HDAC7: variants seen among roughly 807,000 people sequenced by gnomAD.
The protein encoded by HDAC7 is histone deacetylase 7, also known as histone deacetylase 7A.
In HDAC7, 26 loss-of-function variants were observed where a neutral mutation model predicts 115.5. The observed-to-expected ratio is 0.23, with a 90% CI of 0.16 to 0.31. HDAC7 has a LOEUF of 0.31. Among genes scored for constraint, HDAC7 ranks in the 10% least tolerant of loss-of-function variants. The pLI is 1.00. For missense variants in HDAC7, 1,068 were observed against 1,329.0 expected (o/e 0.80, Z 3.05); for synonymous variants, 564 against 550.9 (o/e 1.02, Z -0.33).
Position 47,797,442 on chromosome 12 carries a change from C to T in HDAC7, c.519G>A (p.Leu173=), listed in dbSNP as rs1565566280. 1 of 1,613,904 alleles carries T rather than the reference C, an allele frequency of 6.2e-7. No individual in the cohort carries two copies. Among genetic ancestry groups the T allele is most frequent in the African/African-American group, 1.3e-5 (1 of 75,010 alleles). Residue 173 remains leucine (L), a synonymous_variant, in exon 6 of 26, where the codon TTG becomes TTA. Transcript: ENST00000080059. The surrounding 1 kb of genome is among the most constrained non-coding windows in gnomAD (Gnocchi z 5.5). The stretch of plus-strand genomic sequence containing the variant: ...CACTGGGCAGGCTGGGAACAGGAGG[C>T]AAAAAGCTGCTGAGCATGGAGCGGG... ...GATRSMLSSF[L]PPVPSLPSDP... is the part of the protein sequence containing the mutation.
chr12:47,795,591 C>T lies in HDAC7; in HGVS notation c.1083G>A (p.Leu361=), dbSNP rs752006018. 1 of 1,559,550 alleles carries T rather than the reference C, an allele frequency of 6.4e-7. No individual in the cohort carries two copies. Among genetic ancestry groups the T allele is most frequent in the Non-Finnish European group, 8.7e-7 (1 of 1,152,032 alleles). ...CTGAAGAAGCAGCAGACTCACCAGT[C>T]AGCAGCGGGGCATGAGAGCCTGAGG... ...LDPSGSHAPL[L]TVPGLGPLPF... is the part of the protein sequence containing the mutation. The change falls in exon 10 of 26, where the codon CTG becomes CTA. Residue 361 remains leucine (L), a synonymous_variant. Transcript: ENST00000080059. The surrounding 1 kb of genome is among the most constrained non-coding windows in gnomAD (Gnocchi z 4.3).
intron 2 of HDAC7, 111 bp from the exon 3 acceptor site, chr12:47,799,083 C>G (rs904833267): frequency 2.9e-6 from 2 of 700,114 alleles, no homozygotes; most frequent in African/African-American, 3.7e-5. Context: ...TGGCAAAACA[C>G]TCTCATGGGG....
chr12:47,819,024 C>G (rs1411454703), intron 1 of HDAC7: 1 of 152,448 alleles, frequency 6.6e-6, no homozygotes, highest in East Asian at 1.9e-4. Context: ...CAACAGACCC[C>G]AGGCCTGGGG....
At chr12:47,820,084 G>T (rs987884355), upstream of HDAC7, 13 of 151,364 alleles carry the variant, frequency 8.6e-5, no homozygotes, top group African/African-American at 3.1e-4. This position sits in a 1 kb window ranked among gnomAD's most constrained non-coding sequence, Gnocchi z 4.3. Context: ...GCACAGGCGG[G>T]CCGCAGACAC....
Position 47,793,567 on chromosome 12 carries a change from G to A in HDAC7, c.1480C>T (p.Arg494Ter). Residue 494 changes from arginine (R) to a stop codon, truncating the protein, a stop_gained, in exon 13 of 26, where the codon CGA (arginine) becomes TGA (stop). Transcript: ENST00000080059. LOFTEE classifies it high-confidence loss of function. The surrounding 1 kb of genome is among the most constrained non-coding windows in gnomAD (Gnocchi z 4.5). ...HPQVLLWEQQ[R>*]LAGRLPRGST... ...CCCCGGGGGAGCCGCCCAGCCAGTCGCTGCTGTTCCCAGAGCAACACCTAG... is the reference window on the plus strand; with the variant it reads ...CCCCGGGGGAGCCGCCCAGCCAGTCACTGCTGTTCCCAGAGCAACACCTAG... 2 of 1,544,228 alleles carry A rather than the reference G, an allele frequency of 1.3e-6. No homozygotes were observed. Among genetic ancestry groups the A allele is most frequent in the Non-Finnish European group, 1.7e-6 (2 of 1,144,576 alleles).
At chr12:47,806,710 C>T (rs1172510179) in intron 1 of HDAC7, among the ~76,000 whole-genome samples, 1 of 151,928 alleles carries the variant, frequency 6.6e-6, no homozygotes, top group African/African-American at 2.4e-5. Context: ...CAAAAACAAA[C>T]AAAAAGAATA....
rs747677162 is a variant in HDAC7 at position 47,788,057 on chromosome 12, C to T, written c.2343G>A (p.Gly781=). 6.8e-6 allele frequency: 11 copies of T among 1,611,608 alleles called. No homozygotes were observed. The Admixed American group carries it at 1.7e-4, about 25-fold the overall frequency. Residue 781 remains glycine (G), a synonymous_variant, in exon 20 of 26, where the codon GGG becomes GGA. Transcript: ENST00000080059. The part of the protein sequence containing the change: ...HDDGNFFPGS[G]AVDEVGAGSG... ...GACATGCGGTTACCTCATCCACAGC[C>T]CCACTCCCCGGGAAGAAGTTGCCGT... is the stretch of plus-strand genomic sequence containing the variant.
rs1942929562 is a variant in HDAC7, at chr12:47,782,767, T to G, written c.*1074A>C. ...TTATTGTTCAGATTTTTTTCCATTTTCTTCCTTTTTACAAAAACATGCATA... is the reference window on the plus strand; with the variant it reads ...TTATTGTTCAGATTTTTTTCCATTTGCTTCCTTTTTACAAAAACATGCATA... On this transcript the variant is annotated 3_prime_UTR_variant, in exon 26 of 26. Coordinates refer to ENST00000080059, the MANE Select transcript of HDAC7 (RefSeq NM_015401.5). 6.6e-6 allele frequency: 1 copy of G among 152,608 alleles called. No homozygotes were observed. The highest frequency in any genetic ancestry group is 2.4e-5 in the African/African-American group (1 of 41,426). 9.5% of individuals were successfully genotyped at this position (152,608 alleles called of 1,614,324 possible). A position where few individuals can be genotyped will look rare whatever the true frequency, so the allele number is the denominator to read the frequency against.
Position 47,796,997 on chromosome 12 carries a change from C to G in HDAC7, c.703+20G>C. ...GCCAGGTTTGAGGATGGCAACCGCA[C>G]TGGCTCAGCCGGCCCTCACCTCCGA... On this transcript the variant is annotated intron_variant, in intron 7 of 25. Coordinates refer to ENST00000080059, the MANE Select transcript of HDAC7 (RefSeq NM_015401.5). 1 of 1,524,868 alleles carries G rather than the reference C, an allele frequency of 6.6e-7. No homozygotes were observed. Among genetic ancestry groups the G allele is most frequent in the Non-Finnish European group, 8.8e-7 (1 of 1,140,766 alleles). 94.5% of individuals were successfully genotyped at this position (1,524,868 alleles called of 1,614,324 possible). A position where few individuals can be genotyped will look rare whatever the true frequency, so the allele number is the denominator to read the frequency against.
At chr12:47,790,239 G>A (rs1478619586) in intron 16 of HDAC7, 4 of 348,818 alleles carry the variant, frequency 1.1e-5, no homozygotes, top group Admixed American at 7.8e-5. Flanking sequence ...CCGGGAGGGG[G>A]TTTTAAGCCC....
In HDAC7 at chr12:47,802,212, T is replaced by C. The variant is rs542246025; in HGVS notation, c.70+12A>G. On this transcript the variant is annotated intron_variant, in intron 2 of 25. Coordinates refer to ENST00000080059, the MANE Select transcript of HDAC7 (RefSeq NM_015401.5). ...ACTCCCTACCATGGACTCCCCCGGG[T>C]TTGACTCTTACCTGCGCCAGTGGGG... The C allele has an allele frequency of 2.5e-6, 4 of 1,612,400 alleles. No homozygotes were observed. The highest frequency in any genetic ancestry group is 2.2e-5 in the East Asian group (1 of 44,844).
At chr12:47,791,818 T>A in intron 14 of HDAC7, 53 bp downstream of exon 14, 3 of 481,072 alleles carry the variant, frequency 6.2e-6, no homozygotes, top group Non-Finnish European at 8.7e-6. Context: ...ACCCCTCCCC[T>A]CCCATGACTC....
At chr12:47,791,810 CCCTCCCCTCCCATGACT>C in intron 14 of HDAC7, 44 bp downstream of exon 14, 1 of 1,542,092 alleles carries the variant, frequency 6.5e-7, no homozygotes, top group Non-Finnish European at 8.8e-7. Context: ...GGCCCCCCAC[CCCTCCCCTCCCATGACT>C]CCTCCCTCCA....
At position 47,798,636 on chromosome 12, in the gene HDAC7, G is replaced by A. The variant is rs141529676; in HGVS notation, c.275C>T (p.Pro92Leu). Residue 92 changes from proline to leucine, a missense_variant, in exon 4 of 26, where the codon CCG becomes CTG. Coordinates refer to ENST00000080059, the MANE Select transcript of HDAC7 (RefSeq NM_015401.5). This position sits in a 1 kb window ranked among gnomAD's most constrained non-coding sequence, Gnocchi z 4.3. The part of the protein sequence containing the change: ...VEPMRLSMDT[P>L]MPELQVGPQE... ...GGGTCCCACCTGCAACTCGGGCATC[G>A]GCGTGTCCATGGAGAGCTGTGGGCA... is the stretch of plus-strand genomic sequence containing the variant. The A allele has an allele frequency of 8.7e-6, 14 of 1,613,552 alleles. No individual in the cohort carries two copies. The highest frequency in any genetic ancestry group is 3.3e-5 in the Admixed American group (2 of 59,976).
intron 16 of HDAC7, 78 bp downstream of exon 16, chr12:47,791,181 G>A: frequency 1.5e-6 from 2 of 1,345,496 alleles, no homozygotes; most frequent in Non-Finnish European, 2.1e-6. Flanking sequence ...GTTCTGCAGG[G>A]GCTGGGCCTG....
rs140651849 is a variant in HDAC7, at chr12:47,794,859, C to T, written c.1359G>A (p.Gly453=). 53 of 1,613,342 alleles carry T rather than the reference C, an allele frequency of 3.3e-5. No individual in the cohort carries two copies. In the African/African-American group the frequency reaches 6.5e-4, roughly 20 times the overall value. Residue 453 remains glycine, a synonymous_variant, in exon 12 of 26, where the codon GGG becomes GGA. Transcript: ENST00000080059. ...CATCGTCCACCACCTGGCCCGGTCC[C>T]CCGCCATCTGTCTCCAGGTCTTCAG... ...PSAEDLETDG[G]GPGQVVDDGL...
chr12:47,792,865 A>G (rs74085224), intron 13 of HDAC7: 12,525 of 364,422 alleles, frequency 0.034, 356 homozygotes, highest in African/African-American at 0.094. Flanking sequence ...AAAGCAGGAT[A>G]CAAAACGTAG....
At chr12:47,789,107 T>C in intron 19 of HDAC7, 154 bp downstream of exon 19, 1 of 675,686 alleles carries the variant, frequency 1.5e-6, no homozygotes, top group Non-Finnish European at 2.6e-6. Flanking sequence ...AACTGTGATG[T>C]GGGTGTTATC....
chr12:47,783,916 G>C, intron 25 of HDAC7, 30 bp from the exon 26 acceptor site: 1 of 1,612,374 alleles, frequency 6.2e-7, no homozygotes, highest in Non-Finnish European at 8.5e-7. Context: ...TGGGATGCTG[G>C]AGCACCAGGG....
Sources: allele counts gnomAD v4.1 joint callset (sites outside exome capture counted in the v4.1 genomes callset), GRCh38; gene constraint gnomAD v4.1.1; non-coding constraint Gnocchi (gnomAD v3.1); transcripts MANE v1.5; gene names NCBI Gene and HGNC (gene_info 2026-07-23, HGNC 2026-07-21).